MAGI2: variants seen among roughly 807,000 people sequenced by gnomAD.
The protein encoded by MAGI2 is membrane-associated guanylate kinase, WW and PDZ domain-containing protein 2.
In MAGI2, 35 loss-of-function variants were observed where a neutral mutation model predicts 133.3. The ratio of observed to expected loss-of-function variants is 0.26; its 90% CI spans 0.20 to 0.35. The LOEUF is 0.35. MAGI2 is among the 10% of genes least tolerant of loss of function. MAGI2 has a pLI of 1.00. For missense variants in MAGI2, 1,636 were observed against 1,863.4 expected (o/e 0.88, Z 2.25); for synonymous variants, 729 against 710.6 (o/e 1.03, Z -0.41).
intron 1 of MAGI2, among the ~76,000 whole-genome samples, chr7:79,107,864 AT>A (rs1323218207): frequency 4.6e-5 from 7 of 152,208 alleles, no homozygotes; most frequent in African/African-American, 7.2e-5. Flanking sequence ...TAGTTATTAT[AT>A]TCTATTATAA....
intron 1 of MAGI2, among the ~76,000 whole-genome samples, chr7:79,091,977 A>G (rs533136000): frequency 6.6e-6 from 1 of 152,164 alleles, no homozygotes; most frequent in South Asian, 2.1e-4. Flanking sequence ...GTTGTAAACC[A>G]TGGTACTAAA....
chr7:78,173,034 A>G (rs550015173), intron 14 of MAGI2, among the ~76,000 whole-genome samples: 1 of 152,364 alleles, frequency 6.6e-6, no homozygotes, highest in South Asian at 2.1e-4. Flanking sequence ...AAATCATTCA[A>G]ATGAAGGAAT....
rs1844621033 is a variant in MAGI2 at position 79,391,512 on chromosome 7, T to TATATATATATATATATAGAC, written c.301+61507_301+61508insGTCTATATATATATATATAT. On this transcript the variant is annotated intron_variant, in intron 1 of 21. Transcript: ENST00000354212. ...ACATATATATATATATATAGACATA[T>TATATATATATATATATAGAC]ATATATATATATATATATATATATA... 2.1e-3 allele frequency among the ~76,000 whole-genome samples: 89 copies of TATATATATATATATATAGAC among 43,256 alleles called. 1 individual carries two copies. In the African/African-American group the frequency reaches 0.023, roughly 11 times the overall value. 28.4% of individuals were successfully genotyped at this position (43,256 alleles called of 152,430 possible). A position where few individuals can be genotyped will look rare whatever the true frequency, so the allele number is the denominator to read the frequency against.
chr7:78,883,095 T>C (rs114163713), intron 2 of MAGI2, among the ~76,000 whole-genome samples: 1 of 152,130 alleles, frequency 6.6e-6, no homozygotes, highest in African/African-American at 2.4e-5. Context: ...CAACTCTATA[T>C]GTAGAAAATC....
At chr7:78,973,666 T>C (rs1172937794) in intron 2 of MAGI2, among the ~76,000 whole-genome samples, 1 of 151,734 alleles carries the variant, frequency 6.6e-6, no homozygotes, top group East Asian at 1.9e-4. Flanking sequence ...TCTTTCCTTT[T>C]CCCCTGCAAA....
intron 1 of MAGI2, among the ~76,000 whole-genome samples, chr7:79,299,649 A>G (rs1282985932): frequency 3.3e-5 from 5 of 151,924 alleles, no homozygotes; most frequent in Admixed American, 3.3e-4. Flanking sequence ...GGTTGGCAAA[A>G]TAGGTTCAAA....
At chr7:79,031,839 T>C (rs561341282) in intron 1 of MAGI2, among the ~76,000 whole-genome samples, 1 of 152,306 alleles carries the variant, frequency 6.6e-6, no homozygotes, top group East Asian at 1.9e-4. Flanking sequence ...GCTTTAAATG[T>C]TATATAATAA....
chr7:79,179,428 T>C (rs925418700), intron 1 of MAGI2, among the ~76,000 whole-genome samples: 9 of 151,934 alleles, frequency 5.9e-5, no homozygotes, highest in Non-Finnish European at 7.4e-5. Flanking sequence ...AAAACAATCA[T>C]ACAATTCATG....
At chr7:78,598,737 G>A (rs563978686) in intron 3 of MAGI2, among the ~76,000 whole-genome samples, 4 of 152,286 alleles carry the variant, frequency 2.6e-5, no homozygotes, top group East Asian at 1.9e-4. Context: ...GGAAACCGTA[G>A]ACAGGTCTAA....
rs754736954 is a variant in MAGI2 at position 78,209,352 on chromosome 7, T to C, written c.2048-8159A>G. Among the ~76,000 whole-genome samples, 92 of 146,036 alleles carry C rather than the reference T, an allele frequency of 6.3e-4. 1 individual carries two copies. The highest frequency in any genetic ancestry group is 1.2e-3 in the South Asian group (5 of 4,316). On this transcript the variant is annotated intron_variant, in intron 10 of 21. Coordinates refer to ENST00000354212, the MANE Select transcript of MAGI2 (RefSeq NM_012301.4). The stretch of plus-strand genomic sequence containing the variant: ...TCTCGGCTCACTGCAAGCTCCGCCT[T>C]ACGGGTTCAGGCCATTCTCCTGTCT...
At chr7:78,408,795 A>G (rs1279386238) in intron 6 of MAGI2, among the ~76,000 whole-genome samples, 4 of 152,150 alleles carry the variant, frequency 2.6e-5, no homozygotes, top group African/African-American at 9.7e-5. Context: ...TCTTTTTGAA[A>G]TGAGTTAAAT....
chr7:78,425,279 G>C (rs1159865567), intron 6 of MAGI2, among the ~76,000 whole-genome samples: 1 of 152,144 alleles, frequency 6.6e-6, no homozygotes, highest in African/African-American at 2.4e-5. Flanking sequence ...GATATGACTT[G>C]CTCCTTCTTG....
At chr7:78,240,006 T>C (rs1163439594) in intron 10 of MAGI2, among the ~76,000 whole-genome samples, 1 of 151,984 alleles carries the variant, frequency 6.6e-6, no homozygotes, top group Non-Finnish European at 1.5e-5. Flanking sequence ...TTTAATACTT[T>C]AAGTTCTAGG....
chr7:79,082,571 C>T (rs1816136391), intron 1 of MAGI2, among the ~76,000 whole-genome samples: 1 of 152,022 alleles, frequency 6.6e-6, no homozygotes, highest in Non-Finnish European at 1.5e-5. Context: ...TTCTGTTTAA[C>T]TGTTCTATAT....
intron 1 of MAGI2, among the ~76,000 whole-genome samples, chr7:79,143,200 A>C (rs970139311): frequency 2.6e-5 from 4 of 152,214 alleles, no homozygotes; most frequent in Non-Finnish European, 4.4e-5. Flanking sequence ...AATTTTACAT[A>C]GTGCTGCCAA....
intron 2 of MAGI2, among the ~76,000 whole-genome samples, chr7:78,741,630 G>T (rs1366248164): frequency 6.6e-6 from 1 of 152,068 alleles, no homozygotes; most frequent in East Asian, 1.9e-4. Context: ...CAGCAGTGAG[G>T]CTCTAGAGTT....
At chr7:79,072,151 A>G (rs1815050013) in intron 1 of MAGI2, among the ~76,000 whole-genome samples, 1 of 152,016 alleles carries the variant, frequency 6.6e-6, no homozygotes, top group Admixed American at 6.5e-5. Context: ...AATGAAATGA[A>G]CCTGGTACCT....
chr7:79,051,214 T>C (rs1448200023), intron 1 of MAGI2, among the ~76,000 whole-genome samples: 1 of 152,178 alleles, frequency 6.6e-6, no homozygotes, highest in African/African-American at 2.4e-5. Context: ...GAAAATCCTA[T>C]TTTCTTAGAT....
rs117122274 is a variant in MAGI2 at position 79,290,306 on chromosome 7, G to A, written c.301+162714C>T. On this transcript the variant is annotated intron_variant, in intron 1 of 21. Coordinates refer to ENST00000354212, the MANE Select transcript of MAGI2 (RefSeq NM_012301.4). ...ACCACTTTCCTTTAAACTAAGCTTCGATCACTTTTGCTATCTTAATATGAT... is the reference window on the plus strand; with the variant it reads ...ACCACTTTCCTTTAAACTAAGCTTCAATCACTTTTGCTATCTTAATATGAT... Among the ~76,000 whole-genome samples the A allele has an allele frequency of 4.7e-3, 713 of 151,478 alleles. 2 individuals are homozygous for A. Among genetic ancestry groups the A allele is most frequent in the Non-Finnish European group, 7.8e-3 (529 of 67,836 alleles).
Sources: gnomAD v4.1 joint callset for allele counts (sites outside exome capture counted in the v4.1 genomes callset) on GRCh38, gnomAD v4.1.1 for gene constraint, MANE v1.5 for transcripts, NCBI Gene and HGNC (gene_info 2026-07-23, HGNC 2026-07-21) for gene names.